The following GKAP1 variants were observed in gnomAD, a reference collection of about 807,000 sequenced individuals.
GKAP1 encodes the protein G kinase-anchoring protein 1.
A neutral mutation model predicts 56.7 loss-of-function variants in GKAP1; 31 were observed. That is an observed-to-expected ratio of 0.55 (90% CI 0.41 to 0.74). The LOEUF (loss-of-function observed/expected upper bound fraction) is 0.74, where lower values mean the gene tolerates loss of function less well. GKAP1 is among the 30% of genes least tolerant of loss of function. The pLI, the probability that GKAP1 is intolerant of heterozygous loss-of-function variation, is 0.00. For synonymous variants in GKAP1, 151 were observed against 138.6 expected, an observed-to-expected ratio of 1.09 and a Z score of -0.63; for missense variants, 364 against 402.3, an observed-to-expected ratio of 0.90 and a Z score of 0.82.
intron 2 of GKAP1, among the ~76,000 whole-genome samples, chr9:83,810,018 C>G (rs1161481351): frequency 6.6e-6 from 1 of 152,080 alleles, no homozygotes; most frequent in Non-Finnish European, 1.5e-5. Flanking sequence ...CCCTATGTTG[C>G]CTAAGCTGGT....
At chr9:83,776,568 A>T (rs1219984497) in intron 7 of GKAP1, among the ~76,000 whole-genome samples, 2 of 152,034 alleles carry the variant, frequency 1.3e-5, no homozygotes, top group African/African-American at 4.8e-5. Flanking sequence ...GGTGGTGCAC[A>T]TCTGTAGACC....
chr9:83,756,872 T>C (rs963456103), intron 8 of GKAP1, among the ~76,000 whole-genome samples: 4 of 152,214 alleles, frequency 2.6e-5, no homozygotes, highest in African/African-American at 9.7e-5. Context: ...CTACAAGAGA[T>C]ACTACTTTTT....
At chr9:83,807,886 T>C (rs759717454) in intron 2 of GKAP1, among the ~76,000 whole-genome samples, 15 of 152,358 alleles carry the variant, frequency 9.8e-5, no homozygotes, top group Admixed American at 2.0e-4. Flanking sequence ...CATTATCGTT[T>C]GTATGTTTTC....
At chr9:83,772,883 A>AT (rs1943786389) in intron 7 of GKAP1, among the ~76,000 whole-genome samples, 1 of 152,244 alleles carries the variant, frequency 6.6e-6, no homozygotes, top group African/African-American at 2.4e-5. Context: ...AATCAAATAC[A>AT]TTACATACCC....
chr9:83,755,124 G>A (rs11140237), intron 8 of GKAP1, among the ~76,000 whole-genome samples: 83,110 of 151,910 alleles, frequency 0.55, 23,657 homozygotes, highest in Admixed American at 0.69. Flanking sequence ...CTACTATTAA[G>A]TTCTGGAATC....
At position 83,804,780 on chromosome 9, in the gene GKAP1, C is replaced by G. The variant is rs541074430; in HGVS notation, c.216+1522G>C. Among the ~76,000 whole-genome samples the G allele has an allele frequency of 4.1e-4, 60 of 148,082 alleles. 1 individual carries two copies. In the South Asian group the frequency reaches 0.011, roughly 27 times the overall value. ...CCGGGAGGTGAGGGGCGCCTCTGCC[C>G]GGCCGCCCCTACTGGGAAGTGAGGA... On this transcript the variant is annotated intron_variant, in intron 3 of 12. Coordinates refer to ENST00000376371, the MANE Select transcript of GKAP1 (RefSeq NM_025211.4).
chr9:83,751,856 C>A (rs988085656), intron 9 of GKAP1, among the ~76,000 whole-genome samples: 1 of 151,628 alleles, frequency 6.6e-6, no homozygotes, highest in Non-Finnish European at 1.5e-5. Context: ...GAAACTGGAA[C>A]CTTTGTTCAC....
chr9:83,780,730 G>T (rs1295363210), intron 6 of GKAP1, among the ~76,000 whole-genome samples: 2 of 152,004 alleles, frequency 1.3e-5, no homozygotes, highest in African/African-American at 4.8e-5. Context: ...TTTGGGAGGT[G>T]GGGGGAGCAA....
rs375740637 is a variant in GKAP1 at position 83,742,041 on chromosome 9, T to C, written c.976-12A>G. On this transcript the variant is annotated splice_polypyrimidine_tract_variant and intron_variant, in intron 11 of 12. Transcript: ENST00000376371. ...TGAAGTGAAGTCACCTATAACCAAA[T>C]ATTCAATAAGAAAAAGAATTTTTGG... The C allele has an allele frequency of 5.1e-5, 79 of 1,555,036 alleles. No homozygotes were observed. In the African/African-American group the frequency reaches 9.4e-4, roughly 18 times the overall value.
rs369461926 is a variant in GKAP1 at position 83,812,991 on chromosome 9, T to C, written c.-44+4005A>G. Among the ~76,000 whole-genome samples, 342 of 152,342 alleles carry C rather than the reference T, an allele frequency of 2.2e-3. 4 individuals carry two copies. Among genetic ancestry groups the C allele is most frequent in the African/African-American group, 7.8e-3 (324 of 41,590 alleles). ...TTCCTCTGTAACTTTTTTTTTAATC[T>C]TGATAAGAAGAAACAAATAGGGAGA... On this transcript the variant is annotated intron_variant, in intron 2 of 12. Transcript: ENST00000376371.
chr9:83,766,230 A>G (rs1284356540), intron 8 of GKAP1, among the ~76,000 whole-genome samples: 1 of 152,110 alleles, frequency 6.6e-6, no homozygotes, highest in Non-Finnish European at 1.5e-5. Flanking sequence ...GGTGCTTTCT[A>G]CCATGATTGT....
intron 8 of GKAP1, among the ~76,000 whole-genome samples, chr9:83,753,578 A>G (rs1943428998): frequency 6.6e-6 from 1 of 152,226 alleles, no homozygotes; most frequent in Non-Finnish European, 1.5e-5. Flanking sequence ...ACTGACAAAC[A>G]ATATCAGGGC....
intron 9 of GKAP1, among the ~76,000 whole-genome samples, chr9:83,750,120 A>C (rs534837366): frequency 3.3e-5 from 5 of 151,572 alleles, no homozygotes; most frequent in Admixed American, 6.6e-5. Context: ...CTCTTATTCA[A>C]GGTTTACGGT....
At chr9:83,752,378 T>C (rs750631584) in intron 9 of GKAP1, among the ~76,000 whole-genome samples, 4 of 152,180 alleles carry the variant, frequency 2.6e-5, no homozygotes, top group Non-Finnish European at 5.9e-5. Flanking sequence ...ACTGTGCCAC[T>C]GCACTCCAGC....
intron 7 of GKAP1, among the ~76,000 whole-genome samples, chr9:83,780,074 A>T (rs766045816): frequency 2.0e-5 from 3 of 152,106 alleles, no homozygotes; most frequent in Non-Finnish European, 1.5e-5. Context: ...TGAGAGATTA[A>T]ACCACTTTTC....
intron 8 of GKAP1, among the ~76,000 whole-genome samples, chr9:83,755,622 G>A (rs1943461800): frequency 6.6e-6 from 1 of 151,042 alleles, no homozygotes; most frequent in Admixed American, 6.6e-5. Context: ...AGGAAAAATG[G>A]AAAAGATTGG....
At chr9:83,750,899 G>A (rs1480720374) in intron 9 of GKAP1, among the ~76,000 whole-genome samples, 1 of 152,024 alleles carries the variant, frequency 6.6e-6, no homozygotes, top group Non-Finnish European at 1.5e-5. Context: ...TGCATGGCAC[G>A]ATCTTAGCTC....
chr9:83,814,319 A>G (rs1271595736), intron 2 of GKAP1, among the ~76,000 whole-genome samples: 3 of 152,206 alleles, frequency 2.0e-5, no homozygotes, highest in Non-Finnish European at 2.9e-5. Flanking sequence ...TTACTTGTTC[A>G]TATCTTTAAC....
At chr9:83,798,837 T>A (rs567345271) in intron 4 of GKAP1, among the ~76,000 whole-genome samples, 1 of 152,298 alleles carries the variant, frequency 6.6e-6, no homozygotes, top group African/African-American at 2.4e-5. Flanking sequence ...CTAGTCACTG[T>A]GTATTTTTAA....
Sources: allele counts gnomAD v4.1 joint callset (sites outside exome capture counted in the v4.1 genomes callset), GRCh38; gene constraint gnomAD v4.1.1; transcripts MANE v1.5; gene names NCBI Gene and HGNC (gene_info 2026-07-23, HGNC 2026-07-21).